The following FHOD1 variants were observed in gnomAD, a reference collection of about 807,000 sequenced individuals.
FHOD1 encodes the protein formin homology 2 domain containing 1.
In FHOD1, 89 loss-of-function variants were observed where a neutral mutation model predicts 111.6. The observed-to-expected ratio is 0.80, with a 90% confidence interval of 0.67 to 0.95. The LOEUF is 0.95. Among genes scored for constraint, FHOD1 ranks in the 40% least tolerant of loss-of-function variants. The pLI, the probability that FHOD1 is intolerant of heterozygous loss-of-function variation, is 0.00. For synonymous variants in FHOD1, 618 were observed against 639.0 expected (o/e 0.97, Z 0.50); for missense variants, 1,446 against 1,554.2 (o/e 0.93, Z 1.17).
At chr16:67,239,962 G>A (rs921684415) in intron 1 of FHOD1, among the ~76,000 whole-genome samples, 4 of 152,192 alleles carry the variant, frequency 2.6e-5, no homozygotes, top group African/African-American at 7.2e-5. Flanking sequence ...TCCTGCCTTC[G>A]AGGAAGCTCA....
Position 67,231,631 on chromosome 16 carries a change from A to G in FHOD1, c.2385+6T>C. 1 of 1,614,120 alleles carries G rather than the reference A, an allele frequency of 6.2e-7. No homozygotes were observed. Among genetic ancestry groups the G allele is most frequent in the Non-Finnish European group, 8.5e-7 (1 of 1,179,984 alleles). On this transcript the variant is annotated splice_donor_region_variant and intron_variant, in intron 15 of 21. Transcript: ENST00000258201. This position sits in a 1 kb window ranked among gnomAD's most constrained non-coding sequence, Gnocchi z 4.3. ...TACTGACTGTCCCACTCCAAGACCC[A>G]GGTACCCGCTCCATGCTGTCATAGT...
chr16:67,233,892 A>G lies in FHOD1; in HGVS notation c.1811T>C (p.Leu604Pro). 7.9e-7 allele frequency: 1 copy of G among 1,273,008 alleles called. No homozygotes were observed. The highest frequency in any genetic ancestry group is 2.3e-4 in the Middle Eastern group (1 of 4,274). The allele number at this position is 1,273,008 out of a possible 1,614,324, so 78.9% of individuals were successfully genotyped here. Residue 604 changes from leucine to proline, a missense_variant, in exon 13 of 22, where the codon CTA (leucine) becomes CCA (proline). Coordinates refer to ENST00000258201, the MANE Select transcript of FHOD1 (RefSeq NM_013241.3). ...IKGPFPPPPP[L>P]PLAAPLPHSV... ...ATGGGGAAGAGGGGCAGCCAGAGGT[A>G]GAGGTGGAGGTGGTGGGAAGGGGCC...
At chr16:67,239,031 A>G (rs931424477) in intron 2 of FHOD1, 64 bp from the exon 3 acceptor site, 4 of 1,516,986 alleles carry the variant, frequency 2.6e-6, no homozygotes, top group African/African-American at 1.4e-5. Context: ...CCCACAAGCC[A>G]AGGGAGCCAA....
chr16:67,238,404 G>A lies in FHOD1; in HGVS notation c.417C>T (p.Leu139=). ...SSSGPELRRS[L]FSLKQIFQED... is the part of the protein sequence containing the mutation. ...CCTGGAAGATCTGCTTCAGTGAGAA[G>A]AGGGAGCGGCGGAGCTCAGGACCAC... Residue 139 remains leucine, a synonymous_variant, in exon 4 of 22, where the codon CTC becomes CTT. Transcript: ENST00000258201. This position sits in a 1 kb window ranked among gnomAD's most constrained non-coding sequence, Gnocchi z 4.2. The A allele has an allele frequency of 6.2e-7, 1 of 1,614,162 alleles. No individual in the cohort carries two copies. Among genetic ancestry groups the A allele is most frequent in the African/African-American group, 1.3e-5 (1 of 75,052 alleles).
In FHOD1 at chr16:67,247,276, C is replaced by T; in HGVS notation, c.135G>A (p.Leu45=). The change falls in exon 1 of 22, where the codon CTG becomes CTA. Residue 45 remains leucine (L), a synonymous_variant. Transcript: ENST00000258201. ...GCGCGCCCAAGGGCAGCGCCCCGTC[C>T]AGGCTGCAGGTGGGGGCCCGGCGCG... ...PEPRRAPTCS[L]DGALPLGAQI... 1.2e-6 allele frequency: 2 copies of T among 1,612,486 alleles called. No homozygotes were observed. The highest frequency in any genetic ancestry group is 1.1e-5 in the South Asian group (1 of 91,002).
chr16:67,239,961 C>T (rs2034620068), intron 1 of FHOD1, among the ~76,000 whole-genome samples: 1 of 152,188 alleles, frequency 6.6e-6, no homozygotes, highest in Non-Finnish European at 1.5e-5. Context: ...TTCCTGCCTT[C>T]GAGGAAGCTC....
intron 10 of FHOD1, 61 bp from the exon 11 acceptor site, chr16:67,236,794 G>A: frequency 7.5e-7 from 1 of 1,335,720 alleles, no homozygotes; most frequent in Non-Finnish European, 1.0e-6. Flanking sequence ...GCCTGTCAGT[G>A]GGGTGGGGCC....
rs553201423 is a variant in FHOD1 at position 67,230,479 on chromosome 16, G to T, written c.2886C>A (p.Gly962=). Residue 962 remains glycine, a synonymous_variant, in exon 19 of 22, where the codon GGC becomes GGA. Coordinates refer to ENST00000258201, the MANE Select transcript of FHOD1 (RefSeq NM_013241.3). ...NRFHAFLLYL[G]YTPQAAREVR... is the part of the protein sequence containing the mutation. Reference sequence around the variant, plus strand: ...CTTCACGGGCCGCCTGCGGGGTGTAGCCCAGGTAGAGCAGGAAGGCATGGA... The same window carrying T: ...CTTCACGGGCCGCCTGCGGGGTGTATCCCAGGTAGAGCAGGAAGGCATGGA... 4 of 1,614,254 alleles carry T rather than the reference G, an allele frequency of 2.5e-6. No individual in the cohort carries two copies. In the African/African-American group the frequency reaches 4.0e-5, roughly 16 times the overall value.
At chr16:67,245,991 C>A (rs1384672025) in intron 1 of FHOD1, among the ~76,000 whole-genome samples, 2 of 152,218 alleles carry the variant, frequency 1.3e-5, no homozygotes, top group Non-Finnish European at 2.9e-5. Flanking sequence ...CTGAATAGGG[C>A]AAGAGAAGCG....
In FHOD1 at chr16:67,237,838, G is replaced by C; in HGVS notation, c.643-70C>G. 4 of 1,476,582 alleles carry C rather than the reference G, an allele frequency of 2.7e-6. No individual in the cohort carries two copies. Among genetic ancestry groups the C allele is most frequent in the Non-Finnish European group, 3.8e-6 (4 of 1,057,012 alleles). The allele number at this position is 1,476,582 out of a possible 1,614,324, so 91.5% of individuals were successfully genotyped here. A position where few individuals can be genotyped will look rare whatever the true frequency, so the allele number is the denominator to read the frequency against. On this transcript the variant is annotated intron_variant, in intron 6 of 21. Coordinates refer to ENST00000258201, the MANE Select transcript of FHOD1 (RefSeq NM_013241.3). This position sits in a 1 kb window ranked among gnomAD's most constrained non-coding sequence, Gnocchi z 5.6. ...CTGTGCCAGCTGTTGCTGGGGAAGG[G>C]GAAGGGCTGCTGGGGCTGGACCCAG...
Position 67,237,810 on chromosome 16 carries a change from G to A in FHOD1, c.643-42C>T. 1 of 1,559,928 alleles carries A rather than the reference G, an allele frequency of 6.4e-7. No homozygotes were observed. The highest frequency in any genetic ancestry group is 8.8e-7 in the Non-Finnish European group (1 of 1,131,106). On this transcript the variant is annotated intron_variant, in intron 6 of 21. Coordinates refer to ENST00000258201, the MANE Select transcript of FHOD1 (RefSeq NM_013241.3). This position sits in a 1 kb window ranked among gnomAD's most constrained non-coding sequence, Gnocchi z 5.6. ...GTACATATGAGTGGGGCTTAGGCCAGACCTGTGCCAGCTGTTGCTGGGGAA... is the reference window on the plus strand; with the variant it reads ...GTACATATGAGTGGGGCTTAGGCCAAACCTGTGCCAGCTGTTGCTGGGGAA...
At chr16:67,244,269 G>T (rs1353255906) in intron 1 of FHOD1, among the ~76,000 whole-genome samples, 2 of 152,136 alleles carry the variant, frequency 1.3e-5, no homozygotes, top group Non-Finnish European at 2.9e-5. Flanking sequence ...GTATCGGAGA[G>T]GCTCCTGAGA....
At chr16:67,240,707 A>C (rs2034640639) in intron 1 of FHOD1, among the ~76,000 whole-genome samples, 1 of 152,186 alleles carries the variant, frequency 6.6e-6, no homozygotes, top group Non-Finnish European at 1.5e-5. Context: ...CCTGTAGAGA[A>C]GCCTGAGGGA....
At chr16:67,242,414 G>A (rs2034691933) in intron 1 of FHOD1, among the ~76,000 whole-genome samples, 1 of 152,250 alleles carries the variant, frequency 6.6e-6, no homozygotes, top group Non-Finnish European at 1.5e-5. Context: ...TGTCCTGGGT[G>A]GAAGTGTGGG....
At position 67,230,192 on chromosome 16, in the gene FHOD1, T is replaced by TG. The variant is rs762098881; in HGVS notation, c.3087dup (p.Ser1030GlnfsTer19). On this transcript the variant is annotated frameshift_variant, in exon 20 of 22. Coordinates refer to ENST00000258201, the MANE Select transcript of FHOD1 (RefSeq NM_013241.3). LOFTEE classifies it high-confidence loss of function. ...ACTGCTACTGGGACAGAGGGGTTGC[T>TG]GGGGGCTTCCCCAGCCACACCTGAG... The TG allele has an allele frequency of 4.3e-6, 7 of 1,613,924 alleles. No homozygotes were observed. The highest frequency in any genetic ancestry group is 5.9e-6 in the Non-Finnish European group (7 of 1,179,894).
At position 67,238,993 on chromosome 16, in the gene FHOD1, G is replaced by T; in HGVS notation, c.309-26C>A. ...CTGGAATCAAGGATCTCTGTTAGCA[G>T]CTCCCAGCCTATCCCTCAGCATTCC... is the stretch of plus-strand genomic sequence containing the variant. On this transcript the variant is annotated intron_variant, in intron 2 of 21. Transcript: ENST00000258201. This position sits in a 1 kb window ranked among gnomAD's most constrained non-coding sequence, Gnocchi z 4.2. 1 of 1,611,944 alleles carries T rather than the reference G, an allele frequency of 6.2e-7. No individual in the cohort carries two copies. Among genetic ancestry groups the T allele is most frequent in the South Asian group, 1.1e-5 (1 of 91,040 alleles).
intron 11 of FHOD1, 47 bp downstream of exon 11, chr16:67,236,510 G>A (rs2034480894): frequency 1.3e-6 from 2 of 1,594,276 alleles, no homozygotes; most frequent in African/African-American, 1.3e-5. Context: ...AAAGCGGAGG[G>A]ACAATGGGAG....
In FHOD1 at chr16:67,237,295, G is replaced by A. The variant is rs758053370; in HGVS notation, c.937C>T (p.His313Tyr). The A allele has an allele frequency of 9.3e-6, 15 of 1,613,938 alleles. 1 individual carries two copies. The Middle Eastern group carries it at 6.6e-4, about 71-fold the overall frequency. Reference protein sequence around the residue: ...QQGMEALVQRHLGTAGTDVDL... With the variant: ...QQGMEALVQRYLGTAGTDVDL... ...ACGTCAGTGCCCGCAGTGCCCAGGT[G>A]GCGCTGGACCAGCGCTTCCATGCCC... Residue 313 changes from histidine to tyrosine, a missense_variant, in exon 9 of 22, where the codon CAC (histidine) becomes TAC (tyrosine). By Grantham distance (83) the His-to-Tyr change is moderately conservative. Around this residue, in one of 3 missense-constraint regions of FHOD1, gnomAD observed 234 missense variants for 327.4 expected, o/e 0.71. Transcript: ENST00000258201. This position sits in a 1 kb window ranked among gnomAD's most constrained non-coding sequence, Gnocchi z 5.6.
rs930934962 is a variant in FHOD1, at chr16:67,234,086, G to C, written c.1617C>G (p.Leu539=). 1.9e-6 allele frequency: 3 copies of C among 1,605,966 alleles called. No homozygotes were observed. Among genetic ancestry groups the C allele is most frequent in the Non-Finnish European group, 1.7e-6 (2 of 1,174,128 alleles). The change falls in exon 13 of 22, where the codon CTC becomes CTG. Residue 539 remains leucine, a synonymous_variant. Coordinates refer to ENST00000258201, the MANE Select transcript of FHOD1 (RefSeq NM_013241.3). ...IWELPTRAPR[L]SIGDLDFSDL... is the part of the protein sequence containing the mutation. ...CTGAAAAGTCCAGGTCCCCAATAGA[G>C]AGCCTGGGTGCACGGGTAGGGAGCT...
Sources: allele counts gnomAD v4.1 joint callset (sites outside exome capture counted in the v4.1 genomes callset), GRCh38; gene constraint gnomAD v4.1.1; regional missense constraint gnomAD v4.1.1; non-coding constraint Gnocchi (gnomAD v3.1); transcripts MANE v1.5; gene names NCBI Gene and HGNC (gene_info 2026-07-23, HGNC 2026-07-21).